The following COMMD10 variants were observed in gnomAD, a reference collection of about 807,000 sequenced individuals.
COMMD10 encodes the protein COMM domain-containing protein 10.
COMMD10 carries 33 observed loss-of-function variants against 28.9 expected under a neutral mutation model. That is an observed-to-expected ratio of 1.14 (90% confidence interval 0.87 to 1.53). COMMD10 has a LOEUF of 1.53. Among genes scored for constraint, COMMD10 ranks in the 40% most tolerant of loss-of-function variants. The probability of loss-of-function intolerance (pLI) is 0.00; values close to 1 mark genes in which losing one functional copy is unlikely to be tolerated. For missense variants in COMMD10, 310 were observed against 233.4 expected (o/e 1.33, Z -2.14); for synonymous variants, 110 against 81.7 (o/e 1.35, Z -1.87).
At chr5:116,125,545 C>A (rs6594942) in intron 4 of COMMD10, among the ~76,000 whole-genome samples, 1 of 151,920 alleles carries the variant, frequency 6.6e-6, no homozygotes, top group South Asian at 2.1e-4. Flanking sequence ...TGCTCTTCTC[C>A]AGGAGTATCT....
intron 5 of COMMD10, among the ~76,000 whole-genome samples, chr5:116,162,300 G>T (rs1255875202): frequency 6.6e-6 from 1 of 151,656 alleles, no homozygotes; most frequent in South Asian, 2.1e-4. Flanking sequence ...TAATAAGACT[G>T]CAGTACAAGA....
chr5:116,176,964 TCA>T (rs1491258298), intron 5 of COMMD10, among the ~76,000 whole-genome samples: 15 of 152,142 alleles, frequency 9.9e-5, no homozygotes, highest in Non-Finnish European at 2.2e-4. Context: ...AAGTTAGAGT[TCA>T]GACCTTGTTA....
chr5:116,098,837 TAAAC>T (rs113814085), intron 4 of COMMD10, among the ~76,000 whole-genome samples: 141 of 152,316 alleles, frequency 9.3e-4, no homozygotes, highest in African/African-American at 3.1e-3. Flanking sequence ...GTATAATTGA[TAAAC>T]AAAAATTATG....
At chr5:116,128,292 G>C (rs1463632236) in intron 4 of COMMD10, among the ~76,000 whole-genome samples, 1 of 152,006 alleles carries the variant, frequency 6.6e-6, no homozygotes, top group Non-Finnish European at 1.5e-5. Context: ...TAATGTAAGT[G>C]AGATGCCTAA....
chr5:116,244,039 A>C (rs1322349908), intron 5 of COMMD10, among the ~76,000 whole-genome samples: 1 of 152,168 alleles, frequency 6.6e-6, no homozygotes, highest in East Asian at 1.9e-4. Flanking sequence ...CTATACACAC[A>C]CACATATTAT....
intron 5 of COMMD10, among the ~76,000 whole-genome samples, chr5:116,198,195 A>G (rs1209060467): frequency 6.6e-6 from 1 of 152,064 alleles, no homozygotes; most frequent in Non-Finnish European, 1.5e-5. Context: ...TTCTAAGTAC[A>G]TTTTGGTTTT....
intron 4 of COMMD10, among the ~76,000 whole-genome samples, chr5:116,096,012 T>C (rs540359427): frequency 2.4e-4 from 36 of 152,252 alleles, no homozygotes; most frequent in African/African-American, 8.7e-4. Flanking sequence ...TATTATAGCT[T>C]AATAGTAAGT....
chr5:116,258,326 C>CT (rs1474142765), intron 5 of COMMD10, among the ~76,000 whole-genome samples: 1 of 151,644 alleles, frequency 6.6e-6, no homozygotes, highest in African/African-American at 2.4e-5. Flanking sequence ...TCCTAGAATG[C>CT]TTTTGTATTT....
chr5:116,132,966 C>T (rs1287671393), intron 4 of COMMD10, among the ~76,000 whole-genome samples: 1 of 152,164 alleles, frequency 6.6e-6, no homozygotes, highest in African/African-American at 2.4e-5. Context: ...TTTCTCATCA[C>T]ATCCTCTCTC....
At chr5:116,236,525 GA>G (rs1413990261) in intron 5 of COMMD10, among the ~76,000 whole-genome samples, 3 of 123,960 alleles carry the variant, frequency 2.4e-5, no homozygotes, top group Non-Finnish European at 5.1e-5. Flanking sequence ...AAAAAAAAAA[GA>G]AGTGATCCGT....
At chr5:116,251,523 A>C (rs1260524597) in intron 5 of COMMD10, among the ~76,000 whole-genome samples, 1 of 146,808 alleles carries the variant, frequency 6.8e-6, no homozygotes, top group African/African-American at 2.5e-5. Context: ...ATTCCCACCT[A>C]TGAGTGAGAA....
intron 4 of COMMD10, among the ~76,000 whole-genome samples, chr5:116,132,219 G>T (rs1018472575): frequency 6.6e-6 from 1 of 152,018 alleles, no homozygotes; most frequent in Non-Finnish European, 1.5e-5. Flanking sequence ...TGACCAAAAT[G>T]CCTTATATTT....
At chr5:116,231,646 C>T (rs796622297) in intron 5 of COMMD10, among the ~76,000 whole-genome samples, 1 of 152,046 alleles carries the variant, frequency 6.6e-6, no homozygotes, top group South Asian at 2.1e-4. Flanking sequence ...TTTCAGATTC[C>T]TACAGTCTAA....
intron 5 of COMMD10, among the ~76,000 whole-genome samples, chr5:116,173,945 G>C (rs1050332966): frequency 6.6e-6 from 1 of 150,500 alleles, no homozygotes; most frequent in Non-Finnish European, 1.5e-5. Context: ...AATATGCCAT[G>C]TGCCATATAC....
chr5:116,137,110 G>C (rs922787505), intron 5 of COMMD10, among the ~76,000 whole-genome samples: 2 of 151,998 alleles, frequency 1.3e-5, no homozygotes, highest in African/African-American at 4.8e-5. Context: ...CTGCTGCCTG[G>C]AATTACTGCT....
intron 4 of COMMD10, among the ~76,000 whole-genome samples, chr5:116,095,601 A>G (rs186978689): frequency 6.6e-6 from 1 of 151,994 alleles, no homozygotes; most frequent in African/African-American, 2.4e-5. Context: ...TCTTAACAGT[A>G]TCTTTCCCAG....
Position 116,292,469 on chromosome 5 carries a change from C to G in COMMD10, c.589C>G (p.Gln197Glu). ...FYNKLETIQA[Q>E]LDSLT ...TAAATAGCTAGAGACTATACAAGCA[C>G]AGCTGGATTCCCTTACATGATGTTT... is the stretch of plus-strand genomic sequence containing the variant. The change falls in exon 7 of 7, where the codon CAG becomes GAG. Residue 197 changes from glutamine (Q) to glutamate (E), a missense_variant. Physicochemically the swap from Gln to Glu is conservative, Grantham distance 29. Coordinates refer to ENST00000274458, the MANE Select transcript of COMMD10 (RefSeq NM_016144.4). 6.4e-7 allele frequency: 1 copy of G among 1,569,564 alleles called. No homozygotes were observed. Among genetic ancestry groups the G allele is most frequent in the Non-Finnish European group, 8.6e-7 (1 of 1,157,978 alleles).
rs370558198 is a variant in COMMD10, at chr5:116,249,608, A to G, written c.511-41909A>G. Among the ~76,000 whole-genome samples the G allele has an allele frequency of 5.3e-5, 8 of 152,100 alleles. No homozygotes were observed. The East Asian group carries it at 1.4e-3, about 26-fold the overall frequency. ...TATTCACATCTACACCTTATGGGTTACAAACATTTGAATTCTGAAAGATAA... is the reference window on the plus strand; with the variant it reads ...TATTCACATCTACACCTTATGGGTTGCAAACATTTGAATTCTGAAAGATAA... On this transcript the variant is annotated intron_variant, in intron 5 of 6. Transcript: ENST00000274458.
chr5:116,213,306 C>A (rs1749014522), intron 5 of COMMD10, among the ~76,000 whole-genome samples: 1 of 152,106 alleles, frequency 6.6e-6, no homozygotes, highest in Non-Finnish European at 1.5e-5. Flanking sequence ...GGCTCCCTTG[C>A]TAGTTGAGTT....
Sources: allele counts gnomAD v4.1 joint callset (sites outside exome capture counted in the v4.1 genomes callset), GRCh38; gene constraint gnomAD v4.1.1; transcripts MANE v1.5; gene names NCBI Gene and HGNC (gene_info 2026-07-23, HGNC 2026-07-21).